Variants in KLHL5 observed in about 807,000 individuals in gnomAD.
The protein encoded by KLHL5 is kelch like family member 5.
In KLHL5, 48 loss-of-function variants were observed where a neutral mutation model predicts 77.7. The ratio of observed to expected loss-of-function variants is 0.62; its 90% CI spans 0.49 to 0.79. The LOEUF (loss-of-function observed/expected upper bound fraction) is 0.79. Among genes scored for constraint, KLHL5 ranks in the 30% least tolerant of loss-of-function variants. The probability of loss-of-function intolerance (pLI) is 0.00; values close to 1 mark genes in which losing one functional copy is unlikely to be tolerated. For missense variants in KLHL5, 723 were observed against 859.7 expected (o/e 0.84, Z 1.99); for synonymous variants, 260 against 297.0 (o/e 0.88, Z 1.28).
chr4:39,088,573 G>C (rs1720251642), intron 5 of KLHL5, among the ~76,000 whole-genome samples: 1 of 152,106 alleles, frequency 6.6e-6, no homozygotes, highest in African/African-American at 2.4e-5. Flanking sequence ...ATTGCTGGGG[G>C]TGGCAGGGAG....
In KLHL5 at chr4:39,062,760, G is replaced by T. The variant is rs1468868409; in HGVS notation, c.108G>T (p.Gln36His). ...SSPNSTVDSQ[Q>H]GEFWNRGQTG... is the part of the protein sequence containing the mutation. ...CTAATTCTACAGTTGACAGCCAGCA[G>T]GGAGAATTTTGGAACCGAGGACAGA... Residue 36 changes from glutamine (Q) to histidine (H), a missense_variant, in exon 1 of 11, where the codon CAG becomes CAT. By Grantham distance (24) the Gln-to-His change is conservative. Transcript: ENST00000504108. 6.2e-7 allele frequency: 1 copy of T among 1,614,180 alleles called. No individual in the cohort carries two copies. Among genetic ancestry groups the T allele is most frequent in the South Asian group, 1.1e-5 (1 of 91,088 alleles).
chr4:39,078,261 C>T (rs1719268378), intron 2 of KLHL5, among the ~76,000 whole-genome samples: 1 of 152,096 alleles, frequency 6.6e-6, no homozygotes, highest in Non-Finnish European at 1.5e-5. Flanking sequence ...TGGCAGGTAC[C>T]TGTAATCCCA....
At chr4:39,098,710 C>T (rs1721289082) in intron 6 of KLHL5, among the ~76,000 whole-genome samples, 1 of 151,832 alleles carries the variant, frequency 6.6e-6, no homozygotes, top group South Asian at 2.1e-4. Flanking sequence ...ACTACAGGCA[C>T]CTGCCACCAT....
chr4:39,079,124 T>A (rs140822451), intron 2 of KLHL5, among the ~76,000 whole-genome samples: 1 of 152,304 alleles, frequency 6.6e-6, no homozygotes, highest in African/African-American at 2.4e-5. Flanking sequence ...ACTGAACTCA[T>A]TCATTACCTT....
chr4:39,094,668 G>A (rs999708893), intron 5 of KLHL5, among the ~76,000 whole-genome samples: 2 of 150,996 alleles, frequency 1.3e-5, no homozygotes, highest in Non-Finnish European at 2.9e-5. Context: ...CGATAGAACA[G>A]AATAAAGAAT....
intron 4 of KLHL5, among the ~76,000 whole-genome samples, chr4:39,085,839 GA>G (rs1483010453): frequency 1.3e-5 from 2 of 151,982 alleles, no homozygotes; most frequent in African/African-American, 4.8e-5. Context: ...AATTATATTA[GA>G]AGAGATTAAA....
rs1722164803 is a variant in KLHL5, at chr4:39,107,824, C to G, written c.1688+93C>G. 5.5e-6 allele frequency: 5 copies of G among 907,408 alleles called. 1 individual carries two copies. The highest frequency in any genetic ancestry group is 7.9e-6 in the Non-Finnish European group (5 of 630,542). 56.2% of individuals were successfully genotyped at this position (907,408 alleles called of 1,614,324 possible). On this transcript the variant is annotated intron_variant, in intron 8 of 10. Coordinates refer to ENST00000504108, the MANE Select transcript of KLHL5 (RefSeq NM_015990.5). Reference sequence around the variant, plus strand: ...ATTTAAAGATATACATAAATACTTACAGTGATTTGAAGAAACTTTTAAAAC... The same window carrying G: ...ATTTAAAGATATACATAAATACTTAGAGTGATTTGAAGAAACTTTTAAAAC...
At chr4:39,101,114 G>T (rs1721488005) in intron 6 of KLHL5, among the ~76,000 whole-genome samples, 2 of 38,480 alleles carry the variant, frequency 5.2e-5, no homozygotes, top group Non-Finnish European at 5.6e-5. Flanking sequence ...GTTAATTTTG[G>T]ATATTTGGAT....
chr4:39,132,461 T>G, the KLHL5 span, among the ~76,000 whole-genome samples: 6 of 152,044 alleles, frequency 3.9e-5, no homozygotes, highest in South Asian at 1.2e-3. Context: ...ATAAAAAAAG[T>G]GGCCAGGTGC....
rs900906263 is a variant in KLHL5, at chr4:39,122,770, A to C, written c.*1704A>C. On this transcript the variant is annotated 3_prime_UTR_variant, in exon 11 of 11. Coordinates refer to ENST00000504108, the MANE Select transcript of KLHL5 (RefSeq NM_015990.5). ...GGAGCTTGCAGTGTGCCAAGATCGC[A>C]CCACTGCACTCCAGCCTGGGTGACA... Among the ~76,000 whole-genome samples, 17 of 152,042 alleles carry C rather than the reference A, an allele frequency of 1.1e-4. No individual in the cohort carries two copies. Among genetic ancestry groups the C allele is most frequent in the Non-Finnish European group, 1.8e-4 (12 of 67,998 alleles).
chr4:39,105,685 A>G (rs1001786940), intron 7 of KLHL5, among the ~76,000 whole-genome samples: 3 of 151,588 alleles, frequency 2.0e-5, no homozygotes, highest in Non-Finnish European at 4.4e-5. Flanking sequence ...ATATATACAT[A>G]TAAATAACAT....
chr4:39,141,591 A>C, the KLHL5 span, among the ~76,000 whole-genome samples: 1 of 151,996 alleles, frequency 6.6e-6, no homozygotes, highest in East Asian at 1.9e-4. Context: ...GATTACAGGC[A>C]TGAGCCACCG....
chr4:39,113,357 C>T, intron 9 of KLHL5, 125 bp downstream of exon 9: 1 of 734,826 alleles, frequency 1.4e-6, no homozygotes, highest in African/African-American at 1.8e-5. Flanking sequence ...TGCAAAGCAA[C>T]TTCACTTTAT....
chr4:39,064,246 T>A lies in KLHL5; in HGVS notation c.383+1211T>A, dbSNP rs141357974. On this transcript the variant is annotated intron_variant, in intron 1 of 10. Coordinates refer to ENST00000504108, the MANE Select transcript of KLHL5 (RefSeq NM_015990.5). ...TGTAATGGAGAGAGGGGAATATCTGTATGTAGGTAAATAGTGTATTTAATT... is the reference window on the plus strand; with the variant it reads ...TGTAATGGAGAGAGGGGAATATCTGAATGTAGGTAAATAGTGTATTTAATT... Among the ~76,000 whole-genome samples the A allele has an allele frequency of 6.3e-3, 952 of 150,686 alleles. 6 individuals are homozygous for A. The highest frequency in any genetic ancestry group is 0.011 in the Non-Finnish European group (712 of 67,492).
At position 39,082,137 on chromosome 4, in the gene KLHL5, A is replaced by C. The variant is rs779712036; in HGVS notation, c.878A>C (p.Lys293Thr). ...ADAQGCTDLHKVAHNYTMEHF... is the reference protein window; with the variant it reads ...ADAQGCTDLHTVAHNYTMEHF... The stretch of plus-strand genomic sequence containing the variant: ...GCCCAAGGTTGTACAGATTTGCATA[A>C]AGTGGCTCACAATTATACTATGGTA... Residue 293 changes from lysine to threonine, a missense_variant, in exon 4 of 11, where the codon AAA becomes ACA. Coordinates refer to ENST00000504108, the MANE Select transcript of KLHL5 (RefSeq NM_015990.5). The C allele has an allele frequency of 1.9e-6, 3 of 1,606,472 alleles. No homozygotes were observed. Among genetic ancestry groups the C allele is most frequent in the Non-Finnish European group, 2.5e-6 (3 of 1,177,566 alleles).
At chr4:39,054,142 G>T (rs972301893) in intron 1 of KLHL5, among the ~76,000 whole-genome samples, 8 of 152,124 alleles carry the variant, frequency 5.3e-5, no homozygotes, top group Admixed American at 2.6e-4. Context: ...CTCTCTACTA[G>T]ACATCTAACC....
chr4:39,115,403 C>G (rs1722764530), intron 10 of KLHL5, 73 bp downstream of exon 10: 1 of 1,585,102 alleles, frequency 6.3e-7, no homozygotes, highest in South Asian at 1.1e-5. Flanking sequence ...AAACAGATCC[C>G]CTCAATCTTG....
intron 8 of KLHL5, among the ~76,000 whole-genome samples, chr4:39,108,866 A>G (rs1399763375): frequency 1.3e-5 from 2 of 152,186 alleles, no homozygotes; most frequent in African/African-American, 2.4e-5. Context: ...CCTTATTTCT[A>G]ATAGAGGACA....
intron 6 of KLHL5, among the ~76,000 whole-genome samples, chr4:39,098,818 C>A (rs1184092916): frequency 6.6e-6 from 1 of 152,014 alleles, no homozygotes; most frequent in African/African-American, 2.4e-5. Context: ...CCCTCCTCGG[C>A]CTTCCAAAGT....
Sources: gnomAD v4.1 joint callset for allele counts (sites outside exome capture counted in the v4.1 genomes callset) on GRCh38, gnomAD v4.1.1 for gene constraint, MANE v1.5 for transcripts, NCBI Gene and HGNC (gene_info 2026-07-23, HGNC 2026-07-21) for gene names.